DAB1: variants seen among roughly 807,000 people sequenced by gnomAD.
The protein encoded by DAB1 is disabled homolog 1.
In DAB1, 15 loss-of-function variants were observed where a neutral mutation model predicts 64.6. The observed-to-expected ratio is 0.23, with a 90% CI of 0.16 to 0.36. The LOEUF (loss-of-function observed/expected upper bound fraction) is 0.36, where lower values mean the gene tolerates loss of function less well. DAB1 is among the 10% of genes least tolerant of loss of function. The pLI is 1.00. For missense variants in DAB1, 596 were observed against 706.7 expected (o/e 0.84, Z 1.78); for synonymous variants, 235 against 251.9 (o/e 0.93, Z 0.64).
chr1:57,832,418 G>C (rs1652629062), intron 1 of DAB1, among the ~76,000 whole-genome samples: 1 of 152,228 alleles, frequency 6.6e-6, no homozygotes, highest in Non-Finnish European at 1.5e-5. Context: ...GAGACGTATA[G>C]AGAAAGGAAT....
At chr1:57,737,799 A>G (rs1323453204) in intron 6 of DAB1, among the ~76,000 whole-genome samples, 1 of 152,190 alleles carries the variant, frequency 6.6e-6, no homozygotes, top group South Asian at 2.1e-4. Flanking sequence ...TCACTTTATT[A>G]TACCCTCACA....
intron 3 of DAB1, among the ~76,000 whole-genome samples, chr1:58,470,857 T>C (rs1445019646): frequency 6.6e-6 from 1 of 152,142 alleles, no homozygotes; most frequent in African/African-American, 2.4e-5. Context: ...CTCTTCTTAT[T>C]TGATTGAGCG....
chr1:57,475,263 C>A (rs1435758157), intron 7 of DAB1, among the ~76,000 whole-genome samples: 1 of 152,094 alleles, frequency 6.6e-6, no homozygotes, highest in Non-Finnish European at 1.5e-5. Context: ...GGTGACAGAG[C>A]AAGACTCTGT....
At chr1:57,928,351 C>G (rs995855545) in intron 5 of DAB1, among the ~76,000 whole-genome samples, 13 of 151,942 alleles carry the variant, frequency 8.6e-5, no homozygotes, top group Non-Finnish European at 1.9e-4. Context: ...CAGAGATTTC[C>G]CGTATACTCT....
At chr1:57,739,051 G>T (rs577366613) in intron 6 of DAB1, among the ~76,000 whole-genome samples, 5 of 152,198 alleles carry the variant, frequency 3.3e-5, no homozygotes, top group Non-Finnish European at 7.3e-5. Flanking sequence ...TCCTGAGCAG[G>T]ATGGCTAGGG....
chr1:57,383,655 G>A (rs1681561233), intron 1 of DAB1, among the ~76,000 whole-genome samples: 2 of 152,142 alleles, frequency 1.3e-5, no homozygotes, highest in Non-Finnish European at 2.9e-5. Flanking sequence ...ATTCAGTGGG[G>A]AAAAGACAGT....
At chr1:58,512,434 A>T (rs1322297161) in intron 2 of DAB1, among the ~76,000 whole-genome samples, 1 of 152,230 alleles carries the variant, frequency 6.6e-6, no homozygotes, top group Non-Finnish European at 1.5e-5. Context: ...CAGGATCTCA[A>T]AGGGATTTGC....
intron 6 of DAB1, among the ~76,000 whole-genome samples, chr1:57,718,364 A>T (rs573191056): frequency 5.3e-5 from 8 of 152,150 alleles, no homozygotes; most frequent in Non-Finnish European, 1.2e-4. Flanking sequence ...GTTAAGGGGG[A>T]TAAAGATGGA....
At chr1:57,229,510 A>C (rs1667516530) in intron 2 of DAB1, among the ~76,000 whole-genome samples, 1 of 152,008 alleles carries the variant, frequency 6.6e-6, no homozygotes, top group African/African-American at 2.4e-5. Context: ...TATTTTACTT[A>C]TTAAAGAAAA....
At chr1:57,119,576 T>C (rs1570727438) in intron 4 of DAB1, among the ~76,000 whole-genome samples, 1 of 152,148 alleles carries the variant, frequency 6.6e-6, no homozygotes, top group Non-Finnish European at 1.5e-5. Flanking sequence ...TAAATCCTAA[T>C]GGGTGGTACA....
Position 58,316,979 on chromosome 1 carries a change from T to A in DAB1, n.309+26373A>T, listed in dbSNP as rs141535219. On this transcript the variant is annotated intron_variant and non_coding_transcript_variant, in intron 4 of 20. Coordinates refer to the DAB1 transcript ENST00000485760. ...AGTACATTCTGAGAATTATCTAACTTAATCATTACAATGATCCATAACCAA... is the reference window on the plus strand; with the variant it reads ...AGTACATTCTGAGAATTATCTAACTAAATCATTACAATGATCCATAACCAA... 2.3e-3 allele frequency among the ~76,000 whole-genome samples: 350 copies of A among 152,342 alleles called. 3 individuals carry two copies. Among genetic ancestry groups the A allele is most frequent in the Admixed American group, 6.2e-3 (95 of 15,302 alleles).
At chr1:58,218,732 A>G (rs1267221838) in intron 4 of DAB1, among the ~76,000 whole-genome samples, 2 of 152,142 alleles carry the variant, frequency 1.3e-5, no homozygotes, top group Admixed American at 1.3e-4. Context: ...TTTAAATTAA[A>G]TGCTCAATGA....
intron 4 of DAB1, among the ~76,000 whole-genome samples, chr1:58,266,598 G>A (rs1661168551): frequency 6.6e-6 from 1 of 152,116 alleles, no homozygotes; most frequent in South Asian, 2.1e-4. Flanking sequence ...ACGTTTACAT[G>A]TTTAGGGCAA....
At chr1:58,294,432 T>G (rs920353932) in intron 4 of DAB1, among the ~76,000 whole-genome samples, 1 of 152,038 alleles carries the variant, frequency 6.6e-6, no homozygotes, top group Non-Finnish European at 1.5e-5. Context: ...GAAATATTCA[T>G]AGACAATTAA....
At chr1:58,133,037 T>A (rs946530874) in intron 5 of DAB1, among the ~76,000 whole-genome samples, 2 of 152,206 alleles carry the variant, frequency 1.3e-5, no homozygotes, top group African/African-American at 4.8e-5. Context: ...AGCTGACAGA[T>A]CATTATCAGT....
At chr1:57,106,278 C>A (rs1354471707) in intron 4 of DAB1, among the ~76,000 whole-genome samples, 1 of 136,628 alleles carries the variant, frequency 7.3e-6, no homozygotes, top group Non-Finnish European at 1.5e-5. Context: ...TCAGTATTAT[C>A]TCTGCATTGA....
chr1:57,337,890 C>T (rs988375919), intron 1 of DAB1, among the ~76,000 whole-genome samples: 1 of 137,842 alleles, frequency 7.3e-6, no homozygotes, highest in Non-Finnish European at 1.6e-5. Context: ...CCCTTCCCTT[C>T]CCTTCCCTTC....
chr1:57,758,694 T>G (rs1648931403), intron 6 of DAB1, among the ~76,000 whole-genome samples: 1 of 152,164 alleles, frequency 6.6e-6, no homozygotes, highest in African/African-American at 2.4e-5. Flanking sequence ...CCATAGAAAT[T>G]CACAATCAAA....
chr1:58,236,104 C>T (rs1316694350), intron 4 of DAB1, among the ~76,000 whole-genome samples: 5 of 149,366 alleles, frequency 3.3e-5, no homozygotes, highest in African/African-American at 1.2e-4. Context: ...CCTGCCCGCC[C>T]CCCCGCCCCA....
Sources: gnomAD v4.1 joint callset for allele counts (sites outside exome capture counted in the v4.1 genomes callset) on GRCh38, gnomAD v4.1.1 for gene constraint, MANE v1.5 for transcripts, NCBI Gene and HGNC (gene_info 2026-07-23, HGNC 2026-07-21) for gene names.